The following MBD2 variants were observed in gnomAD, a reference collection of about 807,000 sequenced individuals.
MBD2 encodes methyl-CpG-binding domain protein 2.
In MBD2, 9 loss-of-function variants were observed where a neutral mutation model predicts 39.3. The observed-to-expected ratio is 0.23, with a 90% confidence interval of 0.14 to 0.40. MBD2 has a LOEUF of 0.40. Ranked by LOEUF, MBD2 falls within the 10% of genes least tolerant of loss-of-function variation. The probability of loss-of-function intolerance (pLI) is 1.00; values close to 1 mark genes in which losing one functional copy is unlikely to be tolerated. For synonymous variants in MBD2, 233 were observed against 211.1 expected, an observed-to-expected ratio of 1.10 and a Z score of -0.90; for missense variants, 458 against 532.6, an observed-to-expected ratio of 0.86 and a Z score of 1.38.
chr18:54,196,664 T>C (rs892038065), intron 2 of MBD2, among the ~76,000 whole-genome samples: 6 of 152,206 alleles, frequency 3.9e-5, no homozygotes, highest in Non-Finnish European at 8.8e-5. Flanking sequence ...TGTTAACACC[T>C]GGGCATACCA....
In MBD2 at chr18:54,204,538, T is replaced by C. The variant is rs555596903; in HGVS notation, c.702+460A>G. Among the ~76,000 whole-genome samples, 8 of 152,130 alleles carry C rather than the reference T, an allele frequency of 5.3e-5. 1 individual carries two copies. The South Asian group carries it at 1.5e-3, about 28-fold the overall frequency. On this transcript the variant is annotated intron_variant, in intron 2 of 6. Coordinates refer to ENST00000256429, the MANE Select transcript of MBD2 (RefSeq NM_003927.5). The stretch of plus-strand genomic sequence containing the variant: ...GCGCTAACGGAAAAATATCCAAACA[T>C]AGAATTAGGATATTATTCAAAAAGT...
At chr18:54,190,856 TAATC>T (rs963758288) in intron 2 of MBD2, among the ~76,000 whole-genome samples, 2 of 152,206 alleles carry the variant, frequency 1.3e-5, no homozygotes, top group Admixed American at 6.5e-5. Flanking sequence ...TACCTAGTTT[TAATC>T]AATCAATCAA....
intron 3 of MBD2, among the ~76,000 whole-genome samples, chr18:54,185,732 A>C (rs1479568382): frequency 6.6e-6 from 1 of 152,100 alleles, no homozygotes; most frequent in Non-Finnish European, 1.5e-5. Flanking sequence ...CCTCCTCCCC[A>C]CTACAGGGGT....
At chr18:54,172,132 GC>G (rs1266361141) in intron 3 of MBD2, among the ~76,000 whole-genome samples, 3 of 152,178 alleles carry the variant, frequency 2.0e-5, no homozygotes, top group African/African-American at 7.2e-5. Context: ...GGTGATCTGT[GC>G]CTGATGCTGC....
At chr18:54,170,123 G>A (rs904091643) in intron 3 of MBD2, among the ~76,000 whole-genome samples, 15 of 152,198 alleles carry the variant, frequency 9.9e-5, no homozygotes, top group African/African-American at 3.6e-4. Flanking sequence ...AGTAGTCACT[G>A]CAGTTCATCT....
At chr18:54,189,280 G>C (rs2086303573) in intron 2 of MBD2, among the ~76,000 whole-genome samples, 1 of 146,150 alleles carries the variant, frequency 6.8e-6, no homozygotes. Flanking sequence ...CTGGAGTGCA[G>C]TGGCGCGATC....
intron 2 of MBD2, among the ~76,000 whole-genome samples, chr18:54,193,347 T>C (rs1289825482): frequency 6.6e-6 from 1 of 152,214 alleles, no homozygotes; most frequent in Admixed American, 6.5e-5. Flanking sequence ...AATTCTTTGT[T>C]ACAAAATTAA....
chr18:54,167,617 G>A (rs2086143776), intron 3 of MBD2, among the ~76,000 whole-genome samples: 1 of 152,208 alleles, frequency 6.6e-6, no homozygotes, highest in African/African-American at 2.4e-5. Flanking sequence ...CCAGACAAAT[G>A]AGAAGATAAA....
intron 1 of MBD2, among the ~76,000 whole-genome samples, chr18:54,206,105 T>C (rs2086448118): frequency 6.6e-6 from 1 of 152,172 alleles, no homozygotes; most frequent in Admixed American, 6.5e-5. Flanking sequence ...ATGAGAAAAC[T>C]AGAGCAAATA....
At chr18:54,155,404 A>G (rs1467604971) in intron 6 of MBD2, 93 bp from the exon 7 acceptor site, 1 of 152,144 alleles carries the variant, frequency 6.6e-6, no homozygotes, top group African/African-American at 2.4e-5. Context: ...TTAGAGATTG[A>G]ATTCCACTTA....
chr18:54,192,585 C>T (rs1021044710), intron 2 of MBD2, among the ~76,000 whole-genome samples: 1 of 152,138 alleles, frequency 6.6e-6, no homozygotes, highest in African/African-American at 2.4e-5. Flanking sequence ...AAGGTGGCAT[C>T]ATGTGTCTAC....
intron 3 of MBD2, among the ~76,000 whole-genome samples, chr18:54,168,555 C>A: frequency 8.2e-6 from 1 of 121,356 alleles, no homozygotes; most frequent in Non-Finnish European, 1.7e-5. Flanking sequence ...AATTGTTATG[C>A]CATGAAAATG....
chr18:54,197,396 G>A (rs1357539872), intron 2 of MBD2, among the ~76,000 whole-genome samples: 1 of 152,204 alleles, frequency 6.6e-6, no homozygotes, highest in Non-Finnish European at 1.5e-5. Flanking sequence ...CTAAGCTCCA[G>A]CCAACCTGGC....
intron 3 of MBD2, among the ~76,000 whole-genome samples, chr18:54,180,897 C>CTTTTTTTTTTTTTTTTTTTTTTTT (rs1211071727): frequency 3.8e-5 from 4 of 105,358 alleles, no homozygotes; most frequent in South Asian, 3.0e-4. Context: ...TTAATTTTTT[C>CTTTTTTTTTTTTTTTTTTTTTTTT]TTTTTCTTTT....
intron 5 of MBD2, among the ~76,000 whole-genome samples, chr18:54,161,770 C>T (rs947873659): frequency 2.0e-5 from 3 of 152,204 alleles, no homozygotes; most frequent in Non-Finnish European, 2.9e-5. Context: ...ACCACCCTTA[C>T]GTGCACTCTT....
chr18:54,224,130 T>C lies in MBD2; in HGVS notation c.430A>G (p.Thr144Ala). Reference sequence around the variant, plus strand: ...CAATCCATCCTCTTCCCGCTCTCCGTGGCCCGGGGTCCCCTGGGCCCCGGC... The same window carrying C: ...CAATCCATCCTCTTCCCGCTCTCCGCGGCCCGGGGTCCCCTGGGCCCCGGC... ...AGPGPRGPRA[T>A]ESGKRMDCPA... Residue 144 changes from threonine to alanine, a missense_variant, in exon 1 of 7, where the codon ACG becomes GCG. By Grantham distance (58) the Thr-to-Ala change is moderately conservative (BLOSUM62 0). Coordinates refer to ENST00000256429, the MANE Select transcript of MBD2 (RefSeq NM_003927.5). 6.4e-7 allele frequency: 1 copy of C among 1,554,122 alleles called. No individual in the cohort carries two copies. The highest frequency in any genetic ancestry group is 8.6e-7 in the Non-Finnish European group (1 of 1,156,148).
chr18:54,214,723 GTAGAATTCTTT>G (rs142234838), intron 1 of MBD2, among the ~76,000 whole-genome samples: 55,112 of 148,208 alleles, frequency 0.37, 10,444 homozygotes, highest in East Asian at 0.55. Flanking sequence ...TTTCCACGAG[GTAGAATTCTTT>G]TAGAATTCTT....
At position 54,151,991 on chromosome 18, in the gene MBD2, A is replaced by AG. The variant is rs1487311975; in HGVS notation, c.*3332dup. ...GCTATTACGTGCCAGGCACTGGGCT[A>AG]GGCTCGGGGAACATGAGGATGAAAA... On this transcript the variant is annotated 3_prime_UTR_variant, in exon 7 of 7. Coordinates refer to ENST00000256429, the MANE Select transcript of MBD2 (RefSeq NM_003927.5). 12 of 152,224 alleles carry AG rather than the reference A, an allele frequency of 7.9e-5. No homozygotes were observed. The highest frequency in any genetic ancestry group is 2.9e-4 in the African/African-American group (12 of 41,474). The allele number at this position is 152,224 out of a possible 1,614,324, so 9.4% of individuals were successfully genotyped here.
chr18:54,185,883 A>G (rs116646601), intron 3 of MBD2, among the ~76,000 whole-genome samples: 2,912 of 152,202 alleles, frequency 0.019, 94 homozygotes, highest in African/African-American at 0.067. Context: ...AGAAATCACT[A>G]CTGAATTCTG....
Sources: allele counts gnomAD v4.1 joint callset (sites outside exome capture counted in the v4.1 genomes callset), GRCh38; gene constraint gnomAD v4.1.1; transcripts MANE v1.5; gene names NCBI Gene and HGNC (gene_info 2026-07-23, HGNC 2026-07-21).